Variants in WRN observed in about 807,000 individuals in gnomAD.
The protein encoded by WRN is WRN RecQ like helicase, also known as bifunctional 3'-5' exonuclease/ATP-dependent helicase WRN.
Under a neutral mutation model 180.7 loss-of-function variants are expected in WRN, and 149 were observed. The ratio of observed to expected loss-of-function variants is 0.82; its 90% CI spans 0.72 to 0.94. WRN has a LOEUF of 0.94. WRN is among the 40% of genes least tolerant of loss of function. WRN has a pLI of 0.00. For synonymous variants in WRN, 548 were observed against 568.9 expected, an observed-to-expected ratio of 0.96 and a Z score of 0.52; for missense variants, 1,661 against 1,700.1, an observed-to-expected ratio of 0.98 and a Z score of 0.40.
chr8:31,084,566 TG>T (rs1813451068), intron 10 of WRN, among the ~76,000 whole-genome samples: 1 of 152,146 alleles, frequency 6.6e-6, no homozygotes, highest in African/African-American at 2.4e-5. Flanking sequence ...TGGATTTTTG[TG>T]GGGGATCCCA....
At chr8:31,164,287 A>G (rs1444028084) in intron 33 of WRN, among the ~76,000 whole-genome samples, 6 of 152,220 alleles carry the variant, frequency 3.9e-5, no homozygotes, top group Non-Finnish European at 8.8e-5. Flanking sequence ...ATGATATAAC[A>G]AGGAATGAGG....
In WRN at chr8:31,099,383, A is replaced by AAAGGAAGGAAGGAAGGAAGGAAGG. The variant is rs564093090; in HGVS notation, c.1982-1455_1982-1432dup. On this transcript the variant is annotated intron_variant, in intron 17 of 34. Transcript: ENST00000298139. ...TGCGCCACTGCACTTTAGCCTAAGA[A>AAAGGAAGGAAGGAAGGAAGGAAGG]AAGGAAGGAAGGAAGGAAGGAAGGA... Among the ~76,000 whole-genome samples, 788 of 147,296 alleles carry AAAGGAAGGAAGGAAGGAAGGAAGG rather than the reference A, an allele frequency of 5.3e-3. 3 individuals are homozygous for AAAGGAAGGAAGGAAGGAAGGAAGG. The highest frequency in any genetic ancestry group is 0.019 in the African/African-American group (762 of 39,254).
At chr8:31,141,094 T>G (rs1409645386) in intron 24 of WRN, among the ~76,000 whole-genome samples, 2 of 152,192 alleles carry the variant, frequency 1.3e-5, no homozygotes, top group Non-Finnish European at 2.9e-5. Context: ...AGGATTTTGA[T>G]CACTGTTTCA....
rs374514457 is a variant in WRN, at chr8:31,090,899, T to C, written c.1786T>C (p.Ser596Pro). 1 of 1,613,110 alleles carries C rather than the reference T, an allele frequency of 6.2e-7. No homozygotes were observed. Among genetic ancestry groups the C allele is most frequent in the Non-Finnish European group, 8.5e-7 (1 of 1,179,322 alleles). Residue 596 changes from serine to proline, a missense_variant, in exon 15 of 35, where the codon TCT (serine) becomes CCT (proline). This residue lies in a region of WRN where 1,141 missense variants were observed against 1,149.4 expected (regional missense o/e 0.99). Coordinates refer to ENST00000298139, the MANE Select transcript of WRN (RefSeq NM_000553.6). The stretch of plus-strand genomic sequence containing the variant: ...TGTAGGCAAGATTGGCCTTGTTATC[T>C]CTCCCCTTATTTCTCTGATGGAAGA... ...VYVGKIGLVI[S>P]PLISLMEDQV...
chr8:31,081,143 T>C lies in WRN; in HGVS notation c.1116T>C (p.Asp372=). Residue 372 remains aspartate, a synonymous_variant, in exon 9 of 35, where the codon GAT becomes GAC. Coordinates refer to ENST00000298139, the MANE Select transcript of WRN (RefSeq NM_000553.6). ...GAAATAAAGTGGAACGAAAAGAAGA[T>C]GGATTTGAAGATGGAGTAGAAGACA... The part of the protein sequence containing the change: ...VLGNKVERKE[D]GFEDGVEDNK... 1.2e-6 allele frequency: 2 copies of C among 1,613,904 alleles called. No homozygotes were observed. The highest frequency in any genetic ancestry group is 1.7e-4 in the Middle Eastern group (1 of 6,060).
intron 3 of WRN, 100 bp from the exon 4 acceptor site, chr8:31,064,189 A>G: frequency 7.4e-7 from 1 of 1,347,606 alleles, no homozygotes; most frequent in South Asian, 1.3e-5. Context: ...GATAACTTGA[A>G]CAGTCTGTGG....
chr8:31,101,590 CA>C (rs1800859701), intron 18 of WRN, among the ~76,000 whole-genome samples: 1 of 151,768 alleles, frequency 6.6e-6, no homozygotes, highest in African/African-American at 2.4e-5. Context: ...AGTTCGAGAC[CA>C]GCCTGGTCAA....
chr8:31,133,485 A>G (rs1158336878), intron 24 of WRN, among the ~76,000 whole-genome samples: 1 of 152,098 alleles, frequency 6.6e-6, no homozygotes, highest in Admixed American at 6.5e-5. Flanking sequence ...AGATTGTGCC[A>G]CTGCACTCCA....
chr8:31,152,373 G>A (rs1803172445), intron 31 of WRN, among the ~76,000 whole-genome samples: 1 of 151,692 alleles, frequency 6.6e-6, no homozygotes, highest in Non-Finnish European at 1.5e-5. Flanking sequence ...GCATAAATAT[G>A]TACAAATATT....
At chr8:31,045,840 T>A (rs1206110860) in intron 1 of WRN, among the ~76,000 whole-genome samples, 3 of 152,326 alleles carry the variant, frequency 2.0e-5, no homozygotes, top group East Asian at 3.9e-4. Context: ...TAAACTCACG[T>A]GGTTCAATGA....
intron 3 of WRN, among the ~76,000 whole-genome samples, chr8:31,061,354 G>A (rs1160420147): frequency 6.6e-6 from 1 of 150,392 alleles, no homozygotes; most frequent in Non-Finnish European, 1.5e-5. Context: ...TTCCATTTTG[G>A]CTCTCATTAT....
In WRN at chr8:31,136,601, C is replaced by T. The variant is rs1260281598; in HGVS notation, c.2967+4095C>T. On this transcript the variant is annotated intron_variant, in intron 24 of 34. Transcript: ENST00000298139. ...TGTAATTTCAGCACTTTTGGGAAGCCGAGGTGGGGGGATTGCTCGAGACCA... is the reference window on the plus strand; with the variant it reads ...TGTAATTTCAGCACTTTTGGGAAGCTGAGGTGGGGGGATTGCTCGAGACCA... Among the ~76,000 whole-genome samples, 13 of 151,944 alleles carry T rather than the reference C, an allele frequency of 8.6e-5. No homozygotes were observed. In the East Asian group the frequency reaches 2.3e-3, roughly 27 times the overall value.
intron 23 of WRN, among the ~76,000 whole-genome samples, chr8:31,128,328 G>A (rs1022695345): frequency 6.6e-6 from 1 of 151,626 alleles, no homozygotes. Context: ...AGTATATGGA[G>A]CCCTAGAGCA....
At chr8:31,066,157 C>T (rs908864245) in intron 5 of WRN, among the ~76,000 whole-genome samples, 1 of 151,828 alleles carries the variant, frequency 6.6e-6, no homozygotes, top group African/African-American at 2.4e-5. Context: ...AGATTGCAGG[C>T]GTGAGCCACC....
At chr8:31,065,329 T>G (rs1261856252) in intron 5 of WRN, among the ~76,000 whole-genome samples, 2 of 152,178 alleles carry the variant, frequency 1.3e-5, no homozygotes, top group African/African-American at 4.8e-5. Flanking sequence ...CAGATTATTT[T>G]ATCACCCGGG....
In WRN at chr8:31,106,534, A is replaced by G. The variant is rs373061790; in HGVS notation, c.2089-5081A>G. Among the ~76,000 whole-genome samples, 13 of 152,068 alleles carry G rather than the reference A, an allele frequency of 8.5e-5. No homozygotes were observed. The East Asian group carries it at 2.5e-3, about 29-fold the overall frequency. ...TTGTTTTTCTTCGGACATTCCAGGC[A>G]TGCTTCAGTGCCTGGGCTTTGCGCC... On this transcript the variant is annotated intron_variant, in intron 18 of 34. Transcript: ENST00000298139.
Position 31,154,649 on chromosome 8 carries a change from C to T in WRN, c.3713C>T (p.Pro1238Leu), listed in dbSNP as rs1060500070. ...ACAGACCTCTTTTCAAGTACAAAAC[C>T]TCAAGAAGAACAGAAGACGAGTCTG... Reference protein sequence around the residue: ...VQTDLFSSTKPQEEQKTSLVA... With the variant: ...VQTDLFSSTKLQEEQKTSLVA... The change falls in exon 32 of 35, where the codon CCT (proline) becomes CTT (leucine). Residue 1238 changes from proline (P) to leucine (L), a missense_variant. Coordinates refer to ENST00000298139, the MANE Select transcript of WRN (RefSeq NM_000553.6). 3.1e-6 allele frequency: 5 copies of T among 1,613,222 alleles called. No individual in the cohort carries two copies.
rs1307238570 is a variant in WRN, at chr8:31,175,150, A to G, written c.*2048A>G. On this transcript the variant is annotated 3_prime_UTR_variant, in exon 35 of 35. Coordinates refer to ENST00000298139, the MANE Select transcript of WRN (RefSeq NM_000553.6). Reference sequence around the variant, plus strand: ...TAATATGTGATGTTAAGAAATCATGACTGAGGCCGGGCGCGGTGGCTCACG... The same window carrying G: ...TAATATGTGATGTTAAGAAATCATGGCTGAGGCCGGGCGCGGTGGCTCACG... 6.6e-6 allele frequency among the ~76,000 whole-genome samples: 1 copy of G among 152,054 alleles called. No homozygotes were observed. The highest frequency in any genetic ancestry group is 2.4e-5 in the African/African-American group (1 of 41,402).
chr8:31,125,130 T>A (rs941499142), intron 23 of WRN, 130 bp downstream of exon 23: 11 of 867,442 alleles, frequency 1.3e-5, no homozygotes, highest in Non-Finnish European at 1.8e-5. Flanking sequence ...TGTTTAGATA[T>A]GAGAAAGCAA....
Sources: gnomAD v4.1 joint callset for allele counts (sites outside exome capture counted in the v4.1 genomes callset) on GRCh38, gnomAD v4.1.1 for gene constraint, gnomAD v4.1.1 regional missense constraint, MANE v1.5 for transcripts, NCBI Gene and HGNC (gene_info 2026-07-23, HGNC 2026-07-21) for gene names.